The following ZNF385D variants were observed in gnomAD, a reference collection of about 807,000 sequenced individuals.
ZNF385D encodes the protein zinc finger protein 659.
ZNF385D carries 15 observed loss-of-function variants against 35.8 expected under a neutral mutation model. The observed-to-expected ratio is 0.42, with a 90% CI of 0.28 to 0.64. The LOEUF (loss-of-function observed/expected upper bound fraction) is 0.64. Ranked by LOEUF, ZNF385D falls within the 30% of genes least tolerant of loss-of-function variation. ZNF385D has a pLI of 0.23. For synonymous variants in ZNF385D, 212 were observed against 186.8 expected, an observed-to-expected ratio of 1.13 and a Z score of -1.10; for missense variants, 474 against 494.6, an observed-to-expected ratio of 0.96 and a Z score of 0.39.
chr3:21,841,804 C>T (rs994573005), intron 3 of ZNF385D, among the ~76,000 whole-genome samples: 2 of 151,704 alleles, frequency 1.3e-5, no homozygotes, highest in Non-Finnish European at 2.9e-5. Flanking sequence ...TTTGTTATAA[C>T]ATTTTTTAAG....
intron 2 of ZNF385D, among the ~76,000 whole-genome samples, chr3:22,281,187 A>G (rs1162296486): frequency 6.6e-6 from 1 of 152,064 alleles, no homozygotes; most frequent in Non-Finnish European, 1.5e-5. Flanking sequence ...GCAAACAGTG[A>G]CAGTTTGACT....
intron 5 of ZNF385D, among the ~76,000 whole-genome samples, chr3:21,435,284 G>A (rs1175509165): frequency 8.4e-6 from 1 of 118,778 alleles, no homozygotes; most frequent in African/African-American, 3.3e-5. Flanking sequence ...TTTTGAGACA[G>A]GGTCTCACTG....
intron 2 of ZNF385D, among the ~76,000 whole-genome samples, chr3:21,622,609 T>TA (rs2065037160): frequency 6.6e-6 from 1 of 152,132 alleles, no homozygotes; most frequent in Admixed American, 6.6e-5. Flanking sequence ...CACGTAATAT[T>TA]ACAGATAAGA....
chr3:21,713,056 G>A (rs2068176448), intron 1 of ZNF385D, among the ~76,000 whole-genome samples: 1 of 152,138 alleles, frequency 6.6e-6, no homozygotes, highest in East Asian at 1.9e-4. Context: ...TGCCAACTTG[G>A]CCATCCTTGG....
intron 2 of ZNF385D, among the ~76,000 whole-genome samples, chr3:21,566,671 T>TAA (rs1177302522): frequency 1.3e-5 from 2 of 152,114 alleles, no homozygotes; most frequent in African/African-American, 4.8e-5. Context: ...AATTCTATAA[T>TAA]ATTTTCTTTT....
chr3:22,064,359 C>A (rs1353038997), intron 3 of ZNF385D, among the ~76,000 whole-genome samples: 6 of 151,958 alleles, frequency 3.9e-5, no homozygotes, highest in Admixed American at 1.3e-4. Flanking sequence ...GATTTTGGGA[C>A]AACTTCAAAA....
At chr3:22,278,609 C>G (rs183868275) in intron 2 of ZNF385D, among the ~76,000 whole-genome samples, 163 of 152,260 alleles carry the variant, frequency 1.1e-3, no homozygotes, top group Admixed American at 1.5e-3. Flanking sequence ...ATTCCTGCAT[C>G]AGCCAACTCC....
chr3:22,136,342 CA>C (rs1304206103), intron 3 of ZNF385D, among the ~76,000 whole-genome samples: 3 of 151,560 alleles, frequency 2.0e-5, no homozygotes, highest in Non-Finnish European at 2.9e-5. Context: ...GAGCCAAGAT[CA>C]CACCACTTTA....
intron 3 of ZNF385D, among the ~76,000 whole-genome samples, chr3:21,889,869 A>G (rs1305073962): frequency 1.3e-5 from 2 of 152,246 alleles, no homozygotes; most frequent in Admixed American, 6.5e-5. Flanking sequence ...AGTCTGTTCC[A>G]GGCCTTTTCC....
intron 3 of ZNF385D, among the ~76,000 whole-genome samples, chr3:21,839,949 A>G (rs3849552): frequency 1.3e-5 from 2 of 151,920 alleles, no homozygotes; most frequent in Non-Finnish European, 2.9e-5. Flanking sequence ...TCTCTCAATT[A>G]TGTTCAGATA....
chr3:21,875,628 C>A lies in ZNF385D; in HGVS notation c.326-210600G>T, dbSNP rs118127949. Among the ~76,000 whole-genome samples, 85 of 152,200 alleles carry A rather than the reference C, an allele frequency of 5.6e-4. 3 individuals are homozygous for A. The East Asian group carries it at 0.015, about 27-fold the overall frequency. On this transcript the variant is annotated intron_variant, in intron 3 of 5. Transcript: ENST00000494108. ...GGTCTTAGTGCTGCCATTTGAGTCT[C>A]ATCTTTCCTTTGCTCAGGTTTTCTC...
At position 22,044,296 on chromosome 3, in the gene ZNF385D, T is replaced by C. The variant is rs532921125; in HGVS notation, c.325+124521A>G. On this transcript the variant is annotated intron_variant, in intron 3 of 5. Coordinates refer to the ZNF385D transcript ENST00000494108. ...ACCAGTCGTCTTTGGAAATCTGAAT[T>C]AATTGGCAGTATTTTAAAACGATTT... Among the ~76,000 whole-genome samples the C allele has an allele frequency of 3.9e-5, 6 of 152,120 alleles. No homozygotes were observed. The East Asian group carries it at 1.2e-3, about 29-fold the overall frequency.
intron 2 of ZNF385D, among the ~76,000 whole-genome samples, chr3:21,633,461 A>C (rs570719097): frequency 6.6e-6 from 1 of 152,250 alleles, no homozygotes; most frequent in Non-Finnish European, 1.5e-5. Flanking sequence ...GAAAGAGCAA[A>C]GAAGTAGGAC....
At chr3:21,994,045 A>G (rs905583864) in intron 3 of ZNF385D, among the ~76,000 whole-genome samples, 3 of 152,194 alleles carry the variant, frequency 2.0e-5, no homozygotes, top group Non-Finnish European at 2.9e-5. Context: ...ATCATTTAGC[A>G]TAAGCCCAAA....
rs373837350 is a variant in ZNF385D, at chr3:21,421,279, G to T, written c.1123C>A (p.Leu375Ile). ...LFQTSALPPA[L>I]LRPAPGPIRT... ...ATGGGTCCAGGAGCTGGCCGCAGGA[G>T]TGCCGGAGGAAGCGCGGAAGTCTGG... The change falls in exon 8 of 8, where the codon CTC (leucine) becomes ATC (isoleucine). Residue 375 changes from leucine (L) to isoleucine (I), a missense_variant. Transcript: ENST00000281523. The T allele has an allele frequency of 1.2e-6, 2 of 1,614,064 alleles. No individual in the cohort carries two copies. The highest frequency in any genetic ancestry group is 2.7e-5 in the African/African-American group (2 of 74,914).
chr3:21,701,542 C>G (rs1007192075), intron 1 of ZNF385D, among the ~76,000 whole-genome samples: 1 of 152,080 alleles, frequency 6.6e-6, no homozygotes, highest in South Asian at 2.1e-4. Context: ...AATCTCATGT[C>G]CTCACATTTC....
At position 21,510,892 on chromosome 3, in the gene ZNF385D, G is replaced by C. The variant is rs200837695; in HGVS notation, c.408C>G (p.Thr136=). 3 of 1,614,088 alleles carry C rather than the reference G, an allele frequency of 1.9e-6. No individual in the cohort carries two copies. The highest frequency in any genetic ancestry group is 1.7e-6 in the Non-Finnish European group (2 of 1,179,958). The change falls in exon 4 of 8, where the codon ACC becomes ACG. Residue 136 remains threonine, a synonymous_variant. Coordinates refer to ENST00000281523, the MANE Select transcript of ZNF385D (RefSeq NM_024697.3). ...SAKTTFTSIT[T]NTINTSSDKT... ...TGTCAGAGCTGGTATTGATGGTATT[G>C]GTAGTGATGGAGGTGAAGGTAGTCT...
intron 3 of ZNF385D, among the ~76,000 whole-genome samples, chr3:22,135,007 T>C (rs562926183): frequency 5.9e-5 from 9 of 152,228 alleles, no homozygotes; most frequent in Admixed American, 4.6e-4. Flanking sequence ...TTAACAATCA[T>C]ACAAAGTATA....
chr3:21,559,847 CTTTG>C (rs764112757), intron 3 of ZNF385D, among the ~76,000 whole-genome samples: 2 of 152,106 alleles, frequency 1.3e-5, no homozygotes, highest in Non-Finnish European at 2.9e-5. Context: ...TTCTTGGAGG[CTTTG>C]TTTGTTTCTT....
Sources: allele counts gnomAD v4.1 joint callset (sites outside exome capture counted in the v4.1 genomes callset), GRCh38; gene constraint gnomAD v4.1.1; transcripts MANE v1.5; gene names NCBI Gene and HGNC (gene_info 2026-07-23, HGNC 2026-07-21).